ITPR2: variants seen among roughly 807,000 people sequenced by gnomAD.
The protein encoded by ITPR2 is inositol 1,4,5-trisphosphate-gated calcium channel ITPR2.
A neutral mutation model predicts 317.1 loss-of-function variants in ITPR2; 207 were observed. The observed-to-expected ratio is 0.65, with a 90% CI of 0.58 to 0.73. The LOEUF (loss-of-function observed/expected upper bound fraction) is 0.73. Among genes scored for constraint, ITPR2 ranks in the 30% least tolerant of loss-of-function variants. ITPR2 has a pLI of 0.00. For synonymous variants in ITPR2, 1,156 were observed against 1,149.1 expected (o/e 1.01, Z -0.12); for missense variants, 2,613 against 3,284.0 (o/e 0.80, Z 4.99).
intron 13 of ITPR2, among the ~76,000 whole-genome samples, chr12:26,681,230 A>G (rs1450057346): frequency 6.6e-6 from 1 of 152,238 alleles, no homozygotes. Context: ...TATGTAAAAC[A>G]GGAATACCTA....
chr12:26,457,038 G>T (rs1296690834), intron 45 of ITPR2, among the ~76,000 whole-genome samples: 1 of 152,126 alleles, frequency 6.6e-6, no homozygotes, highest in East Asian at 1.9e-4. Context: ...AGGCTTTGGG[G>T]TTATAATAGT....
chr12:26,350,031 G>T (rs1011241006), intron 55 of ITPR2, among the ~76,000 whole-genome samples: 1 of 152,154 alleles, frequency 6.6e-6, no homozygotes, highest in Non-Finnish European at 1.5e-5. Context: ...ATGGGAGGGG[G>T]TGTGACCCAT....
chr12:26,784,258 T>G (rs546515946), intron 2 of ITPR2, among the ~76,000 whole-genome samples: 176 of 5,784 alleles, frequency 0.03, 1 homozygote, highest in Non-Finnish European at 0.065. Context: ...ATGGAGAATC[T>G]CCCTCTCCCT....
intron 1 of ITPR2, among the ~76,000 whole-genome samples, chr12:26,806,814 A>G (rs1363207612): frequency 2.0e-5 from 3 of 152,220 alleles, no homozygotes; most frequent in Non-Finnish European, 4.4e-5. Context: ...TGCTGGGATT[A>G]CAGGTATGAG....
chr12:26,777,945 G>A (rs1387028444), intron 2 of ITPR2, among the ~76,000 whole-genome samples: 1 of 152,178 alleles, frequency 6.6e-6, no homozygotes. Context: ...GCTCTGAGCT[G>A]ACATTGATTC....
intron 1 of ITPR2, among the ~76,000 whole-genome samples, chr12:26,802,451 C>T (rs2137244119): frequency 6.6e-6 from 1 of 152,008 alleles, no homozygotes; most frequent in South Asian, 2.1e-4. Context: ...AGTTCAAGAC[C>T]AGCCTGGGCC....
At chr12:26,461,661 T>TAC (rs1942028086) in intron 45 of ITPR2, among the ~76,000 whole-genome samples, 1 of 98,248 alleles carries the variant, frequency 1.0e-5, no homozygotes, top group Non-Finnish European at 2.2e-5. Context: ...TATATATATA[T>TAC]ATATATATAT....
intron 55 of ITPR2, among the ~76,000 whole-genome samples, chr12:26,384,042 G>C (rs939124484): frequency 1.3e-5 from 2 of 152,296 alleles, no homozygotes; most frequent in African/African-American, 4.8e-5. Flanking sequence ...CTTGTTAAGT[G>C]AACCTATTTT....
chr12:26,477,087 G>A lies in ITPR2; in HGVS notation c.6124-80C>T, dbSNP rs1942435171. 1.6e-5 allele frequency: 14 copies of A among 849,000 alleles called. No individual in the cohort carries two copies. In the East Asian group the frequency reaches 3.6e-4, roughly 22 times the overall value. 52.6% of individuals were successfully genotyped at this position (849,000 alleles called of 1,614,324 possible). A position where few individuals can be genotyped will look rare whatever the true frequency, so the allele number is the denominator to read the frequency against. The stretch of plus-strand genomic sequence containing the variant: ...ATTTCTCTGCATTTGTTTTAATTGA[G>A]ATTACTAGGACCTTTTTTAATCAAA... On this transcript the variant is annotated intron_variant, in intron 43 of 56. Coordinates refer to ENST00000381340, the MANE Select transcript of ITPR2 (RefSeq NM_002223.4).
chr12:26,439,248 T>C lies in ITPR2; in HGVS notation c.6522A>G (p.Arg2174=), dbSNP rs1287790028. The part of the protein sequence containing the change: ...PVPNICEYLT[R]ESKCRVFNTT... ...TATTGAACACACGGCACTTGGATTCTCGAGTGAGGTATTCACATATATTGG... is the reference window on the plus strand; with the variant it reads ...TATTGAACACACGGCACTTGGATTCCCGAGTGAGGTATTCACATATATTGG... The change falls in exon 47 of 57, where the codon CGA becomes CGG. Residue 2174 remains arginine, a synonymous_variant. Coordinates refer to ENST00000381340, the MANE Select transcript of ITPR2 (RefSeq NM_002223.4). 6.2e-7 allele frequency: 1 copy of C among 1,613,288 alleles called. No homozygotes were observed. The highest frequency in any genetic ancestry group is 1.1e-5 in the South Asian group (1 of 90,908).
intron 51 of ITPR2, among the ~76,000 whole-genome samples, chr12:26,414,779 C>T (rs1940667631): frequency 6.6e-6 from 1 of 152,018 alleles, no homozygotes; most frequent in East Asian, 1.9e-4. Context: ...AGATTTGGTC[C>T]ATTAATCCCA....
intron 21 of ITPR2, among the ~76,000 whole-genome samples, chr12:26,648,527 A>G (rs373181819): frequency 3.1e-5 from 4 of 127,988 alleles, no homozygotes; most frequent in African/African-American, 5.6e-5. Flanking sequence ...TTTTTTTTTT[A>G]ATTGTACTTT....
In ITPR2 at chr12:26,682,677, A is replaced by G; in HGVS notation, c.1149-4T>C. Reference sequence around the variant, plus strand: ...CCTTAACCGAACATATGAGTTCCTAAAAGCAAAACAATATAAAAAAACAAA... The same window carrying G: ...CCTTAACCGAACATATGAGTTCCTAGAAGCAAAACAATATAAAAAAACAAA... On this transcript the variant is annotated splice_polypyrimidine_tract_variant and splice_region_variant and intron_variant, in intron 11 of 56. Transcript: ENST00000381340. The G allele has an allele frequency of 6.3e-7, 1 of 1,584,902 alleles. No homozygotes were observed. Among genetic ancestry groups the G allele is most frequent in the Non-Finnish European group, 8.6e-7 (1 of 1,157,902 alleles).
intron 34 of ITPR2, among the ~76,000 whole-genome samples, chr12:26,572,593 G>A (rs1945189430): frequency 6.6e-6 from 1 of 152,160 alleles, no homozygotes; most frequent in African/African-American, 2.4e-5. Context: ...CTAAATTTTC[G>A]TGGGGTTGGA....
At chr12:26,435,771 C>T (rs1941336214) in intron 48 of ITPR2, among the ~76,000 whole-genome samples, 1 of 152,086 alleles carries the variant, frequency 6.6e-6, no homozygotes, top group African/African-American at 2.4e-5. Context: ...GAATCCCTGA[C>T]TTTAGTATAG....
chr12:26,515,127 A>G (rs1220469147), intron 37 of ITPR2, among the ~76,000 whole-genome samples: 1 of 152,246 alleles, frequency 6.6e-6, no homozygotes, highest in African/African-American at 2.4e-5. Context: ...TTACTCCAGT[A>G]TCAGCAAAAT....
chr12:26,735,167 A>T (rs1166759890), intron 2 of ITPR2, among the ~76,000 whole-genome samples: 2 of 151,956 alleles, frequency 1.3e-5, no homozygotes, highest in Non-Finnish European at 2.9e-5. Flanking sequence ...CACCCAGCTA[A>T]TTTTTTGTAT....
intron 37 of ITPR2, chr12:26,495,608 TCAA>T (rs1457636094): frequency 1.2e-5 from 2 of 162,508 alleles, no homozygotes; most frequent in African/African-American, 4.8e-5. Flanking sequence ...TAATCATAAC[TCAA>T]TAAAGAGTTT....
At chr12:26,525,291 T>C (rs1455008643) in intron 37 of ITPR2, among the ~76,000 whole-genome samples, 2 of 152,210 alleles carry the variant, frequency 1.3e-5, no homozygotes, top group Non-Finnish European at 2.9e-5. Flanking sequence ...TTTCATTCTA[T>C]AACAACTTCC....
Sources: allele counts gnomAD v4.1 joint callset (sites outside exome capture counted in the v4.1 genomes callset), GRCh38; gene constraint gnomAD v4.1.1; transcripts MANE v1.5; gene names NCBI Gene and HGNC (gene_info 2026-07-23, HGNC 2026-07-21).